SCFD2: variants seen among roughly 807,000 people sequenced by gnomAD.
SCFD2 encodes sec1 family domain containing 2, also known as sec1 family domain-containing protein 2.
In SCFD2, 54 loss-of-function variants were observed where a neutral mutation model predicts 58.9. The observed-to-expected ratio is 0.92, with a 90% confidence interval of 0.74 to 1.15. The LOEUF is 1.15. SCFD2 is among the 50% of genes most tolerant of loss of function. SCFD2 has a pLI of 0.00. For synonymous variants in SCFD2, 321 were observed against 335.9 expected (o/e 0.96, Z 0.49); for missense variants, 805 against 836.6 (o/e 0.96, Z 0.47).
At chr4:53,235,959 T>C (rs1279598894) in intron 4 of SCFD2, among the ~76,000 whole-genome samples, 2 of 152,086 alleles carry the variant, frequency 1.3e-5, no homozygotes, top group African/African-American at 4.8e-5. Context: ...AAGCAAATGG[T>C]TAGAGAAGTT....
chr4:53,047,384 G>A (rs1033083573), intron 5 of SCFD2, among the ~76,000 whole-genome samples: 3 of 152,186 alleles, frequency 2.0e-5, no homozygotes, highest in East Asian at 3.9e-4. Context: ...TGAGGTCGAG[G>A]TGGCAGTGAG....
chr4:53,232,419 T>C (rs1191013363), intron 4 of SCFD2, among the ~76,000 whole-genome samples: 5 of 152,168 alleles, frequency 3.3e-5, no homozygotes, highest in Non-Finnish European at 5.9e-5. Context: ...TTGGCAATTT[T>C]GTTTTGCTTA....
At chr4:53,197,905 A>G (rs1334888685) in intron 4 of SCFD2, among the ~76,000 whole-genome samples, 1 of 152,108 alleles carries the variant, frequency 6.6e-6, no homozygotes, top group Non-Finnish European at 1.5e-5. Flanking sequence ...GAATGTCTTC[A>G]TATTTTCCAG....
chr4:53,289,293 G>A (rs1193255450), intron 3 of SCFD2, among the ~76,000 whole-genome samples: 3 of 152,120 alleles, frequency 2.0e-5, no homozygotes, highest in Non-Finnish European at 4.4e-5. Flanking sequence ...TTGAACCTGG[G>A]AGACAGAGGC....
chr4:53,024,419 G>A (rs1230765162), intron 5 of SCFD2, among the ~76,000 whole-genome samples: 1 of 152,200 alleles, frequency 6.6e-6, no homozygotes, highest in Non-Finnish European at 1.5e-5. Context: ...GGAAGATATT[G>A]AAGAAATGGT....
chr4:53,255,197 T>TTTTTTTTATTTATTTATTTA (rs1553892847), intron 4 of SCFD2, among the ~76,000 whole-genome samples: 3 of 140,620 alleles, frequency 2.1e-5, no homozygotes, highest in Admixed American at 1.5e-4. Flanking sequence ...TTTTTTTCTT[T>TTTTTTTTATTTATTTATTTA]TTTATTTATT....
intron 5 of SCFD2, among the ~76,000 whole-genome samples, chr4:53,056,662 A>C (rs1723349686): frequency 6.6e-6 from 1 of 152,126 alleles, no homozygotes; most frequent in South Asian, 2.1e-4. Flanking sequence ...TATATTGTAC[A>C]TTTCTTTCTA....
At chr4:53,270,321 TA>T (rs35987744) in intron 4 of SCFD2, among the ~76,000 whole-genome samples, 24 of 148,086 alleles carry the variant, frequency 1.6e-4, no homozygotes, top group Admixed American at 2.0e-4. Context: ...AATGCATCAC[TA>T]AAAAAAAAAT....
intron 5 of SCFD2, among the ~76,000 whole-genome samples, chr4:53,065,120 T>C (rs1309726311): frequency 6.6e-6 from 1 of 152,100 alleles, no homozygotes; most frequent in African/African-American, 2.4e-5. Context: ...TGACAGCAGA[T>C]ACCTTGAGAG....
At chr4:52,896,482 A>G (rs1376732404) in intron 7 of SCFD2, among the ~76,000 whole-genome samples, 2 of 152,062 alleles carry the variant, frequency 1.3e-5, no homozygotes, top group South Asian at 4.2e-4. Flanking sequence ...GATATGCGGC[A>G]TTATTTCTGA....
chr4:52,884,533 A>G (rs1718690559), intron 8 of SCFD2, among the ~76,000 whole-genome samples: 1 of 152,158 alleles, frequency 6.6e-6, no homozygotes, highest in African/African-American at 2.4e-5. Context: ...CCAGCTTGGC[A>G]GTGTGTCGTT....
At chr4:53,325,685 G>A (rs1733170245) in intron 2 of SCFD2, among the ~76,000 whole-genome samples, 1 of 152,186 alleles carries the variant, frequency 6.6e-6, no homozygotes, top group Admixed American at 6.5e-5. Flanking sequence ...CAAGACTTTT[G>A]ACTTATTTTT....
chr4:52,991,321 G>A (rs1351255136), intron 5 of SCFD2, among the ~76,000 whole-genome samples: 1 of 152,148 alleles, frequency 6.6e-6, no homozygotes, highest in Non-Finnish European at 1.5e-5. Flanking sequence ...AAAGAAAATT[G>A]AAGTAAGTTG....
At chr4:53,015,122 T>G (rs1722180939) in intron 5 of SCFD2, among the ~76,000 whole-genome samples, 1 of 152,200 alleles carries the variant, frequency 6.6e-6, no homozygotes, top group Non-Finnish European at 1.5e-5. Flanking sequence ...TATTACAGGG[T>G]CTGCTATTTG....
intron 4 of SCFD2, among the ~76,000 whole-genome samples, chr4:53,252,628 A>C (rs1177258330): frequency 6.6e-6 from 1 of 151,902 alleles, no homozygotes; most frequent in African/African-American, 2.4e-5. Context: ...AAAACAAGCA[A>C]TGGGGAAAGG....
intron 5 of SCFD2, among the ~76,000 whole-genome samples, chr4:53,072,631 T>C (rs1451922247): frequency 6.6e-6 from 1 of 151,756 alleles, no homozygotes; most frequent in African/African-American, 2.4e-5. Context: ...TAGTCCTAAC[T>C]AGTTTTTTGT....
intron 4 of SCFD2, among the ~76,000 whole-genome samples, chr4:53,238,454 AC>A (rs1329844962): frequency 1.0e-4 from 14 of 136,154 alleles, no homozygotes; most frequent in Admixed American, 5.1e-4. Context: ...CAGGGGGCTG[AC>A]CCCCCCACCT....
intron 3 of SCFD2, among the ~76,000 whole-genome samples, chr4:53,308,698 G>A (rs1236961036): frequency 2.6e-5 from 4 of 152,048 alleles, no homozygotes; most frequent in African/African-American, 4.8e-5. Flanking sequence ...TAAAAAACAC[G>A]TATCAAACAA....
At chr4:53,222,897 G>T (rs1298805324) in intron 4 of SCFD2, among the ~76,000 whole-genome samples, 1 of 152,130 alleles carries the variant, frequency 6.6e-6, no homozygotes, top group Non-Finnish European at 1.5e-5. Flanking sequence ...TGCAGGCATA[G>T]GCAGTAGCAG....
Sources: allele counts gnomAD v4.1 joint callset (sites outside exome capture counted in the v4.1 genomes callset), GRCh38; gene constraint gnomAD v4.1.1; transcripts MANE v1.5; gene names NCBI Gene and HGNC (gene_info 2026-07-23, HGNC 2026-07-21).